Variants in CDK19 observed in about 807,000 individuals in gnomAD.
CDK19 encodes the protein cyclin dependent kinase 19.
In CDK19, 20 loss-of-function variants were observed where a neutral mutation model predicts 68.3. The ratio of observed to expected loss-of-function variants is 0.29; its 90% CI spans 0.21 to 0.43. CDK19 has a LOEUF of 0.43. Among genes scored for constraint, CDK19 ranks in the 20% least tolerant of loss-of-function variants. CDK19 has a pLI of 1.00. For missense variants in CDK19, 339 were observed against 623.5 expected, an observed-to-expected ratio of 0.54 and a Z score of 4.86; for synonymous variants, 221 against 222.8, an observed-to-expected ratio of 0.99 and a Z score of 0.07.
intron 2 of CDK19, among the ~76,000 whole-genome samples, chr6:110,695,751 T>C (rs1290858286): frequency 6.6e-6 from 1 of 152,078 alleles, no homozygotes; most frequent in Non-Finnish European, 1.5e-5. Flanking sequence ...CTAGAGGATA[T>C]GGGTAAATTC....
intron 2 of CDK19, among the ~76,000 whole-genome samples, chr6:110,694,092 A>G (rs1370797922): frequency 6.7e-6 from 1 of 149,766 alleles, no homozygotes; most frequent in Non-Finnish European, 1.5e-5. Context: ...AAAAAAAAAC[A>G]AGGTGTTCAG....
At position 110,639,915 on chromosome 6, in the gene CDK19, G is replaced by A. The variant is rs562056229; in HGVS notation, c.457-1209C>T. On this transcript the variant is annotated intron_variant, in intron 4 of 12. Transcript: ENST00000368911. ...GGATATGACCAGGTATGCATAAGAC[G>A]CAGAAGTCTGACTTGGGCCAGGTGC... Among the ~76,000 whole-genome samples, 228 of 152,212 alleles carry A rather than the reference G, an allele frequency of 1.5e-3. 1 individual carries two copies. Among genetic ancestry groups the A allele is most frequent in the Non-Finnish European group, 2.6e-3 (174 of 68,014 alleles).
At chr6:110,645,262 A>G (rs1416570077) in intron 4 of CDK19, among the ~76,000 whole-genome samples, 1 of 152,220 alleles carries the variant, frequency 6.6e-6, no homozygotes, top group Non-Finnish European at 1.5e-5. Flanking sequence ...TTCTCTAACC[A>G]CAATACAATT....
At chr6:110,783,767 C>G (rs1312224286) in intron 1 of CDK19, among the ~76,000 whole-genome samples, 1 of 151,136 alleles carries the variant, frequency 6.6e-6, no homozygotes, top group Non-Finnish European at 1.5e-5. Context: ...TTAGCACAAG[C>G]AACAAAAGAA....
At chr6:110,731,830 T>A (rs73528405) in intron 2 of CDK19, among the ~76,000 whole-genome samples, 1 of 152,160 alleles carries the variant, frequency 6.6e-6, no homozygotes, top group African/African-American at 2.4e-5. Flanking sequence ...TTGTATTTTG[T>A]ATAGACTATG....
chr6:110,716,814 A>G (rs1775439790), intron 2 of CDK19, among the ~76,000 whole-genome samples: 1 of 152,208 alleles, frequency 6.6e-6, no homozygotes, highest in African/African-American at 2.4e-5. Flanking sequence ...CCAGTGATCC[A>G]GTGGTCCAGT....
intron 1 of CDK19, chr6:110,814,641 A>T (rs974368999): frequency 6.2e-6 from 3 of 486,100 alleles, no homozygotes; most frequent in African/African-American, 3.9e-5. Context: ...CCGGAGCGGC[A>T]ACTCCGCAGC....
chr6:110,789,437 C>T (rs12110388), intron 1 of CDK19, among the ~76,000 whole-genome samples: 1,885 of 152,246 alleles, frequency 0.012, 36 homozygotes, highest in African/African-American at 0.043. Context: ...CACCACCACG[C>T]CCAGCTAATT....
chr6:110,616,914 T>G (rs979066085), intron 12 of CDK19, among the ~76,000 whole-genome samples: 3 of 152,190 alleles, frequency 2.0e-5, no homozygotes, highest in African/African-American at 7.2e-5. Flanking sequence ...AAAGGGTTTT[T>G]TAGACAGAAA....
Position 110,801,519 on chromosome 6 carries a change from GT to G in CDK19, c.128+13489del, listed in dbSNP as rs370966367. On this transcript the variant is annotated intron_variant, in intron 1 of 12. Coordinates refer to ENST00000368911, the MANE Select transcript of CDK19 (RefSeq NM_015076.5). The stretch of plus-strand genomic sequence containing the variant: ...AAATAAATTACAGGTTTTTTTGTGT[GT>G]TTTTTTTTTGAGACAGGGTTTTGCA... 1.7e-3 allele frequency among the ~76,000 whole-genome samples: 257 copies of G among 148,198 alleles called. 1 individual carries two copies. Among genetic ancestry groups the G allele is most frequent in the Admixed American group, 2.8e-3 (41 of 14,812 alleles).
At chr6:110,630,539 C>G (rs1779373046) in intron 6 of CDK19, among the ~76,000 whole-genome samples, 1 of 152,188 alleles carries the variant, frequency 6.6e-6, no homozygotes, top group African/African-American at 2.4e-5. Context: ...AAAAATACAG[C>G]TCCATAGTAA....
chr6:110,664,467 A>C (rs1781800065), intron 4 of CDK19, among the ~76,000 whole-genome samples: 1 of 152,198 alleles, frequency 6.6e-6, no homozygotes, highest in Non-Finnish European at 1.5e-5. Context: ...CTTGAGAAGA[A>C]GGTGTTTGAC....
At chr6:110,717,448 C>T (rs4947085) in intron 2 of CDK19, among the ~76,000 whole-genome samples, 100,106 of 151,968 alleles carry the variant, frequency 0.66, 34,456 homozygotes, top group Admixed American at 0.81. Flanking sequence ...TTTATACTAA[C>T]GCTCCAGAAA....
chr6:110,814,620 A>T, intron 1 of CDK19: 1 of 471,156 alleles, frequency 2.1e-6, no homozygotes, highest in Non-Finnish European at 4.2e-6. Context: ...AACGACCGTC[A>T]CTACCCAGGG....
chr6:110,811,652 G>T (rs890302163), intron 1 of CDK19, among the ~76,000 whole-genome samples: 4 of 152,158 alleles, frequency 2.6e-5, no homozygotes, highest in African/African-American at 9.7e-5. Context: ...TGTCATGTGC[G>T]ACTTCTTAAT....
chr6:110,689,907 T>C (rs960962955), intron 2 of CDK19, among the ~76,000 whole-genome samples: 1 of 152,152 alleles, frequency 6.6e-6, no homozygotes, highest in Non-Finnish European at 1.5e-5. Context: ...GAAGGGGAAG[T>C]GCACCATATC....
chr6:110,738,327 C>T lies in CDK19; in HGVS notation c.204+7799G>A, dbSNP rs1408886707. On this transcript the variant is annotated intron_variant, in intron 2 of 12. Coordinates refer to ENST00000368911, the MANE Select transcript of CDK19 (RefSeq NM_015076.5). ...GAGTTCGAGACCAGCCTGGCCAACA[C>T]GGTGAAACCCCATCTCTGCTAAAAA... 4.5e-4 allele frequency among the ~76,000 whole-genome samples: 67 copies of T among 149,682 alleles called. 1 individual carries two copies. The highest frequency in any genetic ancestry group is 3.9e-4 in the East Asian group (2 of 5,082).
chr6:110,782,437 C>A (rs1361336579), intron 1 of CDK19, among the ~76,000 whole-genome samples: 1 of 152,200 alleles, frequency 6.6e-6, no homozygotes, highest in Non-Finnish European at 1.5e-5. Flanking sequence ...CACTAAGAAA[C>A]AGGTCCTCGT....
At chr6:110,792,297 G>A (rs9374206) in intron 1 of CDK19, among the ~76,000 whole-genome samples, 14,713 of 151,876 alleles carry the variant, frequency 0.097, 1,030 homozygotes, top group East Asian at 0.36. Context: ...TTTAATTTGA[G>A]AAAAGATAAG....
Sources: gnomAD v4.1 joint callset for allele counts (sites outside exome capture counted in the v4.1 genomes callset) on GRCh38, gnomAD v4.1.1 for gene constraint, MANE v1.5 for transcripts, NCBI Gene and HGNC (gene_info 2026-07-23, HGNC 2026-07-21) for gene names.